Variants in CA10 observed in about 807,000 individuals in gnomAD.
CA10 encodes carbonic anhydrase-related protein 10.
Under a neutral mutation model 44.2 loss-of-function variants are expected in CA10, and 14 were observed. The ratio of observed to expected loss-of-function variants is 0.32; its 90% CI spans 0.21 to 0.50. The LOEUF (loss-of-function observed/expected upper bound fraction) is 0.50. Among genes scored for constraint, CA10 ranks in the 20% least tolerant of loss-of-function variants. The probability of loss-of-function intolerance (pLI) is 0.99; values close to 1 mark genes in which losing one functional copy is unlikely to be tolerated. For synonymous variants in CA10, 159 were observed against 141.6 expected (o/e 1.12, Z -0.87); for missense variants, 350 against 409.7 (o/e 0.85, Z 1.26).
intron 3 of CA10, among the ~76,000 whole-genome samples, chr17:51,901,093 T>C (rs897927016): frequency 6.6e-6 from 1 of 152,184 alleles, no homozygotes; most frequent in African/African-American, 2.4e-5. Context: ...TCTTGGCTTT[T>C]TGATTTGCCA....
intron 1 of CA10, among the ~76,000 whole-genome samples, chr17:52,142,069 T>C (rs983367225): frequency 6.6e-6 from 1 of 152,098 alleles, no homozygotes; most frequent in Non-Finnish European, 1.5e-5. Flanking sequence ...AACCTATGAG[T>C]AAGCCATGTA....
intron 1 of CA10, among the ~76,000 whole-genome samples, chr17:52,092,668 C>A (rs1988298679): frequency 1.3e-5 from 2 of 152,166 alleles, no homozygotes; most frequent in Admixed American, 1.3e-4. Flanking sequence ...CCTGCCAGCT[C>A]TCTTTTTCAC....
chr17:52,005,027 A>G (rs1463674459), intron 2 of CA10, among the ~76,000 whole-genome samples: 1 of 151,920 alleles, frequency 6.6e-6, no homozygotes, highest in Non-Finnish European at 1.5e-5. Context: ...CTCAAGTACT[A>G]AAGTGCTTTT....
intron 3 of CA10, among the ~76,000 whole-genome samples, chr17:51,916,215 G>A (rs1371035806): frequency 6.6e-6 from 1 of 152,194 alleles, no homozygotes; most frequent in African/African-American, 2.4e-5. Context: ...CTCTGGAGGG[G>A]TAGAAGCTTA....
chr17:52,034,494 TAAAAG>T (rs1384326142), intron 2 of CA10, among the ~76,000 whole-genome samples: 1 of 152,172 alleles, frequency 6.6e-6, no homozygotes, highest in Admixed American at 6.5e-5. Context: ...CTTTATTTCT[TAAAAG>T]AGAAGAGGGA....
At chr17:51,721,104 C>A (rs902184677) in intron 4 of CA10, among the ~76,000 whole-genome samples, 1 of 151,898 alleles carries the variant, frequency 6.6e-6, no homozygotes, top group Non-Finnish European at 1.5e-5. Flanking sequence ...CTGAGGTGGA[C>A]GGATCACCTA....
At chr17:51,946,908 G>T (rs1475960792) in intron 2 of CA10, among the ~76,000 whole-genome samples, 1 of 152,078 alleles carries the variant, frequency 6.6e-6, no homozygotes, top group Non-Finnish European at 1.5e-5. Context: ...CTGAGTGAAT[G>T]CTACCACACC....
In CA10 at chr17:51,649,266, A is replaced by G; in HGVS notation, c.562-12T>C. On this transcript the variant is annotated splice_polypyrimidine_tract_variant and intron_variant, in intron 5 of 8. Coordinates refer to ENST00000451037, the MANE Select transcript of CA10 (RefSeq NM_020178.5). The stretch of plus-strand genomic sequence containing the variant: ...GATGAATCAGAAACCTGGAGGAGAA[A>G]AGAAAATATTAATGACTGGGCATCA... 1.3e-6 allele frequency: 2 copies of G among 1,591,426 alleles called. No homozygotes were observed. The highest frequency in any genetic ancestry group is 8.6e-7 in the Non-Finnish European group (1 of 1,159,440).
intron 3 of CA10, among the ~76,000 whole-genome samples, chr17:51,820,210 C>T (rs143645085): frequency 7.3e-6 from 1 of 136,210 alleles, no homozygotes; most frequent in Admixed American, 7.9e-5. Context: ...GGTAATACCC[C>T]CTTCAACTGT....
chr17:51,864,147 G>A (rs532130193), intron 3 of CA10, among the ~76,000 whole-genome samples: 62 of 152,258 alleles, frequency 4.1e-4, no homozygotes, highest in Middle Eastern at 6.8e-3. Context: ...ACTATCAGGT[G>A]TATGTTCCAA....
At chr17:52,119,374 G>A (rs148493841) in intron 1 of CA10, among the ~76,000 whole-genome samples, 1 of 152,292 alleles carries the variant, frequency 6.6e-6, no homozygotes, top group African/African-American at 2.4e-5. Context: ...TCCCGTTAAG[G>A]AATCAAGCTT....
chr17:51,943,185 TA>T (rs1983148439), intron 2 of CA10, among the ~76,000 whole-genome samples: 1 of 152,204 alleles, frequency 6.6e-6, no homozygotes, highest in South Asian at 2.1e-4. Context: ...ACCCCTAATT[TA>T]AATACTAATC....
chr17:51,959,481 T>A (rs1265189808), intron 2 of CA10, among the ~76,000 whole-genome samples: 10 of 151,006 alleles, frequency 6.6e-5, no homozygotes, highest in African/African-American at 2.2e-4. Flanking sequence ...GACTAGAGAG[T>A]GAAGAGAAAT....
chr17:51,748,533 T>C, intron 3 of CA10: 1 of 886,186 alleles, frequency 1.1e-6, no homozygotes, highest in Non-Finnish European at 1.3e-6. Flanking sequence ...TCAGCTTCAT[T>C]TTCCTGACTG....
intron 2 of CA10, among the ~76,000 whole-genome samples, chr17:52,031,419 G>A (rs1986462945): frequency 6.6e-6 from 1 of 152,040 alleles, no homozygotes; most frequent in Non-Finnish European, 1.5e-5. Context: ...CAAAGTGCTG[G>A]GATTACAGGT....
chr17:51,961,218 CACACACACA>C (rs1404699643), intron 2 of CA10, among the ~76,000 whole-genome samples: 5 of 151,668 alleles, frequency 3.3e-5, no homozygotes, highest in African/African-American at 1.2e-4. Context: ...CACACACACA[CACACACACA>C]GAGTTTCTTT....
At position 51,692,915 on chromosome 17, in the gene CA10, T is replaced by C. The variant is rs150218709; in HGVS notation, c.466-39179A>G. Among the ~76,000 whole-genome samples, 751 of 152,310 alleles carry C rather than the reference T, an allele frequency of 4.9e-3. 9 individuals are homozygous for C. Among genetic ancestry groups the C allele is most frequent in the African/African-American group, 0.017 (713 of 41,566 alleles). On this transcript the variant is annotated intron_variant, in intron 4 of 8. Coordinates refer to ENST00000451037, the MANE Select transcript of CA10 (RefSeq NM_020178.5). The stretch of plus-strand genomic sequence containing the variant: ...TGGCTGTCCACGACCAGCTTCAACT[T>C]GTTTCCACTGGTTTTGAATGGTCTT...
chr17:51,986,691 C>T (rs62068572), intron 2 of CA10, among the ~76,000 whole-genome samples: 20,318 of 151,706 alleles, frequency 0.13, 1,834 homozygotes, highest in South Asian at 0.31. Flanking sequence ...ATCACAAAGT[C>T]GGCTATGGAC....
chr17:51,686,043 G>T (rs1488095990), intron 4 of CA10, among the ~76,000 whole-genome samples: 1 of 151,870 alleles, frequency 6.6e-6, no homozygotes, highest in Non-Finnish European at 1.5e-5. Context: ...TAATCCCCAT[G>T]GGTCAAGGGC....
Sources: gnomAD v4.1 joint callset for allele counts (sites outside exome capture counted in the v4.1 genomes callset) on GRCh38, gnomAD v4.1.1 for gene constraint, MANE v1.5 for transcripts, NCBI Gene and HGNC (gene_info 2026-07-23, HGNC 2026-07-21) for gene names.